Variants in STK10 observed in about 807,000 individuals in gnomAD.
STK10 encodes serine/threonine kinase 10.
A neutral mutation model predicts 113.8 loss-of-function variants in STK10; 78 were observed. The ratio of observed to expected loss-of-function variants is 0.69; its 90% CI spans 0.57 to 0.83. The LOEUF is 0.83. Among genes scored for constraint, STK10 ranks in the 40% least tolerant of loss-of-function variants. The pLI is 0.00. For synonymous variants in STK10, 465 were observed against 494.7 expected (o/e 0.94, Z 0.80); for missense variants, 1,109 against 1,280.1 (o/e 0.87, Z 2.04).
intron 1 of STK10, among the ~76,000 whole-genome samples, chr5:172,169,073 G>A (rs1450261251): frequency 6.6e-6 from 1 of 152,020 alleles, no homozygotes; most frequent in East Asian, 1.9e-4. Flanking sequence ...CCTCCACAGA[G>A]AACACCTCCT....
intron 6 of STK10, 38 bp from the exon 7 acceptor site, chr5:172,105,775 C>T (rs200325023): frequency 6.3e-7 from 1 of 1,595,190 alleles, no homozygotes; most frequent in Non-Finnish European, 8.6e-7. Flanking sequence ...ATGGAGGAGG[C>T]AAGAGCAGAG....
intron 1 of STK10, among the ~76,000 whole-genome samples, chr5:172,171,543 A>T (rs11948494): frequency 0.035 from 5,361 of 151,912 alleles, 301 homozygotes; most frequent in African/African-American, 0.12. Context: ...GTGAAACTCC[A>T]TCTCTACTAA....
rs569511041 is a variant in STK10 at position 172,101,714 on chromosome 5, T to C, written c.870+3942A>G. ...AAGGGGACTGGGAATGTGGGGAGTG[T>C]AGTGGGTTTGCAATTTCATGTGGGT... On this transcript the variant is annotated intron_variant, in intron 7 of 18. Transcript: ENST00000176763. 1.4e-4 allele frequency among the ~76,000 whole-genome samples: 21 copies of C among 152,030 alleles called. No homozygotes were observed. The South Asian group carries it at 4.2e-3, about 30-fold the overall frequency.
chr5:172,102,620 G>A (rs11746316), intron 7 of STK10, among the ~76,000 whole-genome samples: 15,111 of 152,146 alleles, frequency 0.099, 861 homozygotes, highest in Non-Finnish European at 0.12. Flanking sequence ...CCTGGAGGTC[G>A]AGTGCCGACA....
intron 3 of STK10, among the ~76,000 whole-genome samples, chr5:172,122,133 TG>T (rs1184205748): frequency 6.6e-6 from 1 of 152,232 alleles, no homozygotes; most frequent in Non-Finnish European, 1.5e-5. Flanking sequence ...TCCTAAGTGC[TG>T]GGATCACAGG....
chr5:172,173,942 G>A (rs916588717), intron 1 of STK10, among the ~76,000 whole-genome samples: 53 of 152,204 alleles, frequency 3.5e-4, no homozygotes, highest in East Asian at 3.9e-4. Flanking sequence ...AGATGCTGAG[G>A]ATCAGAGGGG....
At position 172,064,784 on chromosome 5, in the gene STK10, C is replaced by T. The variant is rs372790032; in HGVS notation, c.2018G>A (p.Arg673Gln). Residue 673 changes from arginine (R) to glutamine (Q), a missense_variant, in exon 13 of 19, where the codon CGA (arginine) becomes CAA (glutamine). Arg to Gln is a conservative substitution (Grantham distance 43, BLOSUM62 1). This residue lies in a region of STK10 where 885 missense variants were observed against 991.1 expected (regional missense o/e 0.89). Transcript: ENST00000176763. ...EVKNEVEKLP[R>Q]QQRKESMKQK... is the part of the protein sequence containing the mutation. ...CTTCATGCTTTCCTTCCGCTGCTGT[C>T]GGGGGAGCTTCTCCACCTCGTTCTT... The T allele has an allele frequency of 5.6e-6, 9 of 1,613,740 alleles. No homozygotes were observed. The highest frequency in any genetic ancestry group is 1.7e-5 in the Admixed American group (1 of 59,978).
chr5:172,178,831 G>A (rs576152227), intron 1 of STK10, among the ~76,000 whole-genome samples: 1 of 152,288 alleles, frequency 6.6e-6, no homozygotes, highest in East Asian at 1.9e-4. Context: ...TTCTCAGCTG[G>A]AGCCATTATG....
intron 18 of STK10, among the ~76,000 whole-genome samples, chr5:172,052,089 G>C (rs1025112526): frequency 2.0e-5 from 3 of 152,204 alleles, no homozygotes; most frequent in African/African-American, 7.2e-5. Flanking sequence ...ATTCCTGCAA[G>C]CAGGGAGGCT....
Position 172,188,100 on chromosome 5 carries a change from G to T in STK10, c.-58C>A. The T allele has an allele frequency of 6.3e-7, 1 of 1,575,108 alleles. No individual in the cohort carries two copies. The highest frequency in any genetic ancestry group is 8.6e-7 in the Non-Finnish European group (1 of 1,160,984). On this transcript the variant is annotated 5_prime_UTR_variant, in exon 1 of 19. Transcript: ENST00000176763. This position sits in a 1 kb window ranked among gnomAD's most constrained non-coding sequence, Gnocchi z 5.6. ...GGGCTCGGGCTCGGGCTGTGGCTTC[G>T]GCGGCCGCGAGGAGAAGGAGGAGGA... is the stretch of plus-strand genomic sequence containing the variant.
Position 172,078,947 on chromosome 5 carries a change from CCACACACACACA to C in STK10, c.1989+3367_1989+3378del, listed in dbSNP as rs57963957. On this transcript the variant is annotated intron_variant, in intron 12 of 18. Transcript: ENST00000176763. ...TCCTCTCTCTCCCACTCTTATAAGT[CCACACACACACA>C]CACACACACACACACACACACGGTG... Among the ~76,000 whole-genome samples, 5 of 144,632 alleles carry C rather than the reference CCACACACACACA, an allele frequency of 3.5e-5. No individual in the cohort carries two copies. In the South Asian group the frequency reaches 9.0e-4, roughly 26 times the overall value. 94.9% of individuals were successfully genotyped at this position (144,632 alleles called of 152,430 possible).
At chr5:172,177,777 T>C (rs1255937985) in intron 1 of STK10, among the ~76,000 whole-genome samples, 1 of 152,202 alleles carries the variant, frequency 6.6e-6, no homozygotes, top group Non-Finnish European at 1.5e-5. Context: ...TAACACTCCC[T>C]TGGACAGCAT....
chr5:172,136,681 AGAG>A (rs920824951), intron 2 of STK10, among the ~76,000 whole-genome samples: 2 of 152,222 alleles, frequency 1.3e-5, no homozygotes, highest in African/African-American at 4.8e-5. Context: ...CCAAAAAATA[AGAG>A]GAGGAATGTG....
intron 1 of STK10, among the ~76,000 whole-genome samples, chr5:172,181,856 C>T (rs1450901997): frequency 6.6e-6 from 1 of 151,672 alleles, no homozygotes. Flanking sequence ...TGATTAGAAC[C>T]AAGCAGGAAA....
rs934837703 is a variant in STK10 at position 172,093,627 on chromosome 5, C to A, written c.1339G>T (p.Ala447Ser). 1 of 1,614,264 alleles carries A rather than the reference C, an allele frequency of 6.2e-7. No homozygotes were observed. Among genetic ancestry groups the A allele is most frequent in the Non-Finnish European group, 8.5e-7 (1 of 1,180,042 alleles). ...CTGCTGTTGGGCCGGCTCTGGCTGG[C>A]CTTTTGAGATCTGTTGGCTGCTGGG... ...LSPAANRSQK[A>S]SQSRPNSSAL... The change falls in exon 9 of 19, where the codon GCC becomes TCC. Residue 447 changes from alanine to serine, a missense_variant. Around this residue, in one of 5 missense-constraint regions of STK10, gnomAD observed 885 missense variants for 991.1 expected, o/e 0.89. Coordinates refer to ENST00000176763, the MANE Select transcript of STK10 (RefSeq NM_005990.4). This position sits in a 1 kb window ranked among gnomAD's most constrained non-coding sequence, Gnocchi z 4.1.
intron 14 of STK10, among the ~76,000 whole-genome samples, chr5:172,057,973 T>C (rs530626187): frequency 1.3e-5 from 2 of 152,154 alleles, no homozygotes; most frequent in African/African-American, 4.8e-5. Flanking sequence ...TTGTCACTAT[T>C]TCCTCCTTTG....
chr5:172,157,071 G>GA (rs940360928), intron 1 of STK10, among the ~76,000 whole-genome samples: 38 of 152,006 alleles, frequency 2.5e-4, no homozygotes, highest in Middle Eastern at 3.4e-3. Context: ...AAAAAACGAA[G>GA]AAAAAAACCC....
intron 1 of STK10, among the ~76,000 whole-genome samples, chr5:172,186,649 C>A (rs1192954901): frequency 1.3e-5 from 2 of 151,906 alleles, no homozygotes. Flanking sequence ...AAAGAAAAAA[C>A]GCCACCACTC....
intron 7 of STK10, among the ~76,000 whole-genome samples, chr5:172,098,964 CACCATCACCACCATCATT>C (rs1221395223): frequency 2.3e-5 from 3 of 130,734 alleles, no homozygotes; most frequent in African/African-American, 4.7e-5. Context: ...TCACCTTCAC[CACCATCACCACCATCATT>C]ACCATCACCA....
Sources: gnomAD v4.1 joint callset for allele counts (sites outside exome capture counted in the v4.1 genomes callset) on GRCh38, gnomAD v4.1.1 for gene constraint, gnomAD v4.1.1 regional missense constraint, Gnocchi (gnomAD v3.1) non-coding constraint, MANE v1.5 for transcripts, NCBI Gene and HGNC (gene_info 2026-07-23, HGNC 2026-07-21) for gene names.